Variants in SMC6 observed in about 807,000 individuals in gnomAD.
SMC6 encodes the protein structural maintenance of chromosomes 6.
Under a neutral mutation model 142.2 loss-of-function variants are expected in SMC6, and 79 were observed. The ratio of observed to expected loss-of-function variants is 0.56; its 90% confidence interval spans 0.46 to 0.67. SMC6 has a LOEUF of 0.67. Among genes scored for constraint, SMC6 ranks in the 30% least tolerant of loss-of-function variants. SMC6 has a pLI of 0.00. For synonymous variants in SMC6, 411 were observed against 412.4 expected, an observed-to-expected ratio of 1.00 and a Z score of 0.04; for missense variants, 1,072 against 1,284.0, an observed-to-expected ratio of 0.83 and a Z score of 2.52.
At chr2:17,731,188 C>T (rs759620558) in intron 6 of SMC6, 49 bp from the exon 7 acceptor site, 2 of 1,305,302 alleles carry the variant, frequency 1.5e-6, no homozygotes, top group South Asian at 1.3e-5. Flanking sequence ...TAGGGCATAA[C>T]ACAGAAAAAA....
chr2:17,673,245 GTCTC>G (rs1235871016), intron 25 of SMC6, among the ~76,000 whole-genome samples: 5 of 152,170 alleles, frequency 3.3e-5, no homozygotes, highest in African/African-American at 4.8e-5. Context: ...TGTGATGTCA[GTCTC>G]TTTCTTACTA....
intron 23 of SMC6, 44 bp downstream of exon 23, chr2:17,695,108 T>C (rs199827556): frequency 6.2e-7 from 1 of 1,601,160 alleles, no homozygotes; most frequent in Non-Finnish European, 8.5e-7. Context: ...CTTGATGATA[T>C]GCATGAATAA....
chr2:17,739,845 GAC>G lies in SMC6; in HGVS notation c.239-1521_239-1520del, dbSNP rs776038205. 4.0e-3 allele frequency among the ~76,000 whole-genome samples: 437 copies of G among 110,518 alleles called. 3 individuals are homozygous for G. Among genetic ancestry groups the G allele is most frequent in the Middle Eastern group, 0.014 (3 of 218 alleles). The allele number at this position is 110,518 out of a possible 152,430, so 72.5% of individuals were successfully genotyped here. ...AAACACACACACACACACACACACAGACACACACACACACACACACAGAGAAT... is the reference window on the plus strand; with the variant it reads ...AAACACACACACACACACACACACAGACACACACACACACACACAGAGAAT... On this transcript the variant is annotated intron_variant, in intron 4 of 27. Transcript: ENST00000448223.
chr2:17,749,063 A>G (rs1558385748), intron 2 of SMC6, among the ~76,000 whole-genome samples: 1 of 152,172 alleles, frequency 6.6e-6, no homozygotes, highest in Non-Finnish European at 1.5e-5. Flanking sequence ...TTAAAATAGG[A>G]ATCACTTTGT....
At chr2:17,682,905 A>T (rs1667297617) in intron 24 of SMC6, among the ~76,000 whole-genome samples, 1 of 151,924 alleles carries the variant, frequency 6.6e-6, no homozygotes, top group Non-Finnish European at 1.5e-5. Context: ...TAATTTGTAC[A>T]AGCTTAAGAT....
intron 5 of SMC6, among the ~76,000 whole-genome samples, chr2:17,737,536 G>A (rs182529981): frequency 3.4e-3 from 524 of 152,254 alleles, no homozygotes; most frequent in Non-Finnish European, 5.3e-3. Flanking sequence ...ACAGCTAGTG[G>A]ACAAAAAGCA....
intron 2 of SMC6, among the ~76,000 whole-genome samples, chr2:17,750,370 C>T (rs144024689): frequency 2.0e-5 from 3 of 152,336 alleles, no homozygotes; most frequent in Non-Finnish European, 4.4e-5. Context: ...TAACTACATA[C>T]TTAGCTTTTG....
At chr2:17,692,572 C>G (rs1421598307) in intron 23 of SMC6, among the ~76,000 whole-genome samples, 1 of 152,198 alleles carries the variant, frequency 6.6e-6, no homozygotes, top group East Asian at 1.9e-4. Flanking sequence ...GGATTAAAGA[C>G]TTACATGTTA....
intron 7 of SMC6, among the ~76,000 whole-genome samples, chr2:17,730,754 C>T (rs1040853743): frequency 1.3e-5 from 2 of 151,600 alleles, no homozygotes; most frequent in African/African-American, 4.8e-5. Context: ...AGGCGCCCGC[C>T]ACCACACCCA....
intron 5 of SMC6, among the ~76,000 whole-genome samples, chr2:17,733,433 T>C (rs1670002395): frequency 6.6e-6 from 1 of 152,226 alleles, no homozygotes; most frequent in African/African-American, 2.4e-5. Context: ...TTAAAAAAAT[T>C]TCAGAATTCT....
intron 20 of SMC6, 60 bp from the exon 21 acceptor site, chr2:17,700,438 G>C: frequency 7.6e-7 from 1 of 1,321,264 alleles, no homozygotes; most frequent in South Asian, 1.6e-5. Context: ...TCAAATAGAA[G>C]AAACATAAAA....
chr2:17,747,724 G>A (rs1167074272), intron 2 of SMC6, among the ~76,000 whole-genome samples: 3 of 151,968 alleles, frequency 2.0e-5, no homozygotes, highest in Non-Finnish European at 4.4e-5. Context: ...GGCTGATCTC[G>A]AACTTCTGAC....
intron 20 of SMC6, among the ~76,000 whole-genome samples, chr2:17,701,068 A>C (rs903908693): frequency 5.2e-5 from 7 of 134,776 alleles, no homozygotes; most frequent in Admixed American, 3.8e-4. Flanking sequence ...AATAATAATA[A>C]TACAAAAATT....
intron 5 of SMC6, among the ~76,000 whole-genome samples, chr2:17,737,023 T>C (rs1670190600): frequency 6.6e-6 from 1 of 152,146 alleles, no homozygotes; most frequent in African/African-American, 2.4e-5. Flanking sequence ...TTTTGGTTGG[T>C]GGTGAGAGGA....
At chr2:17,713,388 C>T (rs530451455) in intron 16 of SMC6, 30 of 448,550 alleles carry the variant, frequency 6.7e-5, no homozygotes, top group African/African-American at 5.4e-4. Flanking sequence ...AACTCACCTA[C>T]TTCCAAGAAA....
chr2:17,666,434 T>C lies in SMC6; in HGVS notation c.3147A>G (p.Thr1049=), dbSNP rs200129738. The change falls in exon 27 of 28, where the codon ACA becomes ACG. Residue 1049 remains threonine, a synonymous_variant. Coordinates refer to ENST00000448223, the MANE Select transcript of SMC6 (RefSeq NM_001142286.2). The part of the protein sequence containing the change: ...SQRFRQFILL[T]PQSMSSLPSS... ...TAAAAAGTTACCTCATGCTTTGAGG[T>C]GTGAGCAAGATAAACTGTCTAAAAC... The C allele has an allele frequency of 1.2e-6, 2 of 1,613,378 alleles. No homozygotes were observed. Among genetic ancestry groups the C allele is most frequent in the Non-Finnish European group, 1.7e-6 (2 of 1,179,668 alleles).
At chr2:17,702,825 A>C (rs1572292016) in intron 19 of SMC6, among the ~76,000 whole-genome samples, 1 of 152,166 alleles carries the variant, frequency 6.6e-6, no homozygotes, top group Admixed American at 6.5e-5. Flanking sequence ...GCCTTCCGCC[A>C]TGATTGTGAG....
At position 17,731,761 on chromosome 2, in the gene SMC6, T is replaced by C. The variant is rs1312044474; in HGVS notation, c.461A>G (p.Tyr154Cys). The C allele has an allele frequency of 1.2e-6, 2 of 1,612,822 alleles. No individual in the cohort carries two copies. The highest frequency in any genetic ancestry group is 1.7e-5 in the Admixed American group (1 of 59,700). Residue 154 changes from tyrosine (Y) to cysteine (C), a missense_variant, in exon 6 of 28, where the codon TAT (tyrosine) becomes TGT (cysteine). Physicochemically the swap from Tyr to Cys is radical, Grantham distance 194. This residue lies in a region of SMC6 where 994 missense variants were observed against 1,153.2 expected (regional missense o/e 0.86). Transcript: ENST00000448223. Reference sequence around the variant, plus strand: ...CAAACCTGTTGCACTTTTAAGTTTATAAGATCGACTTCCATCTATGCTGAT... The same window carrying C: ...CAAACCTGTTGCACTTTTAAGTTTACAAGATCGACTTCCATCTATGCTGAT... Reference protein sequence around the residue: ...QHISIDGSRSYKLKSATGSVV... With the variant: ...QHISIDGSRSCKLKSATGSVV...
chr2:17,732,497 G>A (rs977752761), intron 5 of SMC6, among the ~76,000 whole-genome samples: 2 of 151,978 alleles, frequency 1.3e-5, no homozygotes, highest in Non-Finnish European at 2.9e-5. Context: ...TCAGGAGTTC[G>A]ACACCAGCCT....
Sources: allele counts gnomAD v4.1 joint callset (sites outside exome capture counted in the v4.1 genomes callset), GRCh38; gene constraint gnomAD v4.1.1; regional missense constraint gnomAD v4.1.1; transcripts MANE v1.5; gene names NCBI Gene and HGNC (gene_info 2026-07-23, HGNC 2026-07-21).